Variants in PALM2AKAP2 observed in about 807,000 individuals in gnomAD.
PALM2AKAP2 encodes PALM2-AKAP2 fusion protein.
PALM2AKAP2 carries 37 observed loss-of-function variants against 71.5 expected under a neutral mutation model. The ratio of observed to expected loss-of-function variants is 0.52; its 90% CI spans 0.40 to 0.68. The LOEUF (loss-of-function observed/expected upper bound fraction) is 0.68, where lower values mean the gene tolerates loss of function less well. Ranked by LOEUF, PALM2AKAP2 falls within the 30% of genes least tolerant of loss-of-function variation. The pLI, the probability that PALM2AKAP2 is intolerant of heterozygous loss-of-function variation, is 0.00. For synonymous variants in PALM2AKAP2, 468 were observed against 478.8 expected (o/e 0.98, Z 0.29); for missense variants, 1,224 against 1,191.8 (o/e 1.03, Z -0.40).
intron 1 of PALM2AKAP2, among the ~76,000 whole-genome samples, chr9:109,844,431 GA>G (rs922979851): frequency 2.0e-4 from 31 of 151,814 alleles, no homozygotes; most frequent in Middle Eastern, 3.4e-3. Context: ...ACTTGTGGGG[GA>G]AAAAAAATAG....
At chr9:110,138,150 A>T (rs1835938873) in exon 2 of PALM2AKAP2, 1 of 1,613,922 alleles carries the variant, frequency 6.2e-7, no homozygotes, top group Non-Finnish European at 8.5e-7. Flanking sequence ...GAGAAAAGGG[A>T]TGTATTACCA....
chr9:109,769,559 C>G (rs2118761650), intron 1 of PALM2AKAP2, among the ~76,000 whole-genome samples: 1 of 152,288 alleles, frequency 6.6e-6, no homozygotes. Flanking sequence ...AGCTCAGATT[C>G]TGGCTAGAAC....
At chr9:109,990,589 T>G (rs776163932) in intron 6 of PALM2AKAP2, among the ~76,000 whole-genome samples, 6 of 152,230 alleles carry the variant, frequency 3.9e-5, no homozygotes, top group Non-Finnish European at 8.8e-5. Flanking sequence ...TTCTTAGTCC[T>G]TGCTTCAAGA....
intron 7 of PALM2AKAP2, among the ~76,000 whole-genome samples, chr9:110,042,987 C>G (rs1833534237): frequency 6.6e-6 from 1 of 152,114 alleles, no homozygotes; most frequent in Non-Finnish European, 1.5e-5. Flanking sequence ...CTAGCAAATA[C>G]TAGGTCTTAT....
At chr9:110,065,639 C>G (rs1208592370) in intron 1 of PALM2AKAP2, among the ~76,000 whole-genome samples, 1 of 152,244 alleles carries the variant, frequency 6.6e-6, no homozygotes, top group East Asian at 1.9e-4. Context: ...ACCGTCCCCA[C>G]CATCCATTCA....
chr9:110,034,630 GAC>G lies in PALM2AKAP2; in HGVS notation c.582+18595_582+18596del, dbSNP rs574581054. On this transcript the variant is annotated intron_variant, in intron 7 of 9. Transcript: ENST00000302798. ...TTTTTTTTTTTTTTTTTTTTTTTGA[GAC>G]ACAGTTTCGTTGCCCAGGCTGGAGT... Among the ~76,000 whole-genome samples the G allele has an allele frequency of 5.8e-4, 62 of 106,554 alleles. No homozygotes were observed. In the South Asian group the frequency reaches 0.017, roughly 29 times the overall value. The allele number at this position is 106,554 out of a possible 152,430, so 69.9% of individuals were successfully genotyped here.
chr9:109,952,784 G>A (rs762264969), intron 6 of PALM2AKAP2, among the ~76,000 whole-genome samples: 22 of 152,186 alleles, frequency 1.4e-4, no homozygotes, highest in Non-Finnish European at 2.8e-4. Flanking sequence ...AACCATGATA[G>A]CACATTACAC....
chr9:109,939,629 C>A (rs866065432), intron 6 of PALM2AKAP2, among the ~76,000 whole-genome samples: 2 of 152,160 alleles, frequency 1.3e-5, no homozygotes, highest in South Asian at 2.1e-4. Context: ...ATTCTAATCC[C>A]AAACTGCTTT....
chr9:110,048,550 G>C (rs1833641260), upstream of PALM2AKAP2: 1 of 709,280 alleles, frequency 1.4e-6, no homozygotes, highest in African/African-American at 2.0e-5. Flanking sequence ...GAAGGTGTGG[G>C]TAGATGGGGA....
chr9:109,909,376 A>G (rs1830521274), intron 3 of PALM2AKAP2, among the ~76,000 whole-genome samples: 1 of 152,220 alleles, frequency 6.6e-6, no homozygotes, highest in Admixed American at 6.5e-5. Context: ...TGACTGAAAG[A>G]ACTGAGCCGG....
chr9:110,150,102 A>G (rs1012492057), intron 2 of PALM2AKAP2, among the ~76,000 whole-genome samples: 4 of 152,216 alleles, frequency 2.6e-5, no homozygotes, highest in Non-Finnish European at 5.9e-5. Flanking sequence ...GACAGGATCA[A>G]TGCCCTTGTA....
rs57708385 is a variant in PALM2AKAP2, at chr9:110,034,604, CTTTTTTT to C, written c.582+18582_582+18588del. Among the ~76,000 whole-genome samples, 968 of 118,314 alleles carry C rather than the reference CTTTTTTT, an allele frequency of 8.2e-3. 7 individuals carry two copies. The highest frequency in any genetic ancestry group is 0.013 in the Non-Finnish European group (761 of 58,822). The allele number at this position is 118,314 out of a possible 152,430, so 77.6% of individuals were successfully genotyped here. A position where few individuals can be genotyped will look rare whatever the true frequency, so the allele number is the denominator to read the frequency against. ...AATAACTATCAAGCCATATATTCCC[CTTTTTTT>C]TTTTTTTTTTTTTTTTGAGACACAG... On this transcript the variant is annotated intron_variant, in intron 7 of 9. Coordinates refer to the PALM2AKAP2 transcript ENST00000302798.
At chr9:109,683,319 C>G (rs1232979712) in intron 1 of PALM2AKAP2, among the ~76,000 whole-genome samples, 2 of 152,102 alleles carry the variant, frequency 1.3e-5, no homozygotes, top group Non-Finnish European at 2.9e-5. Flanking sequence ...TGAGATCATT[C>G]TTGATTTAAT....
intron 5 of PALM2AKAP2, among the ~76,000 whole-genome samples, chr9:109,929,175 T>C (rs1346067504): frequency 1.3e-5 from 2 of 148,512 alleles, no homozygotes; most frequent in African/African-American, 4.9e-5. Flanking sequence ...AGTAGTTTTT[T>C]TTTTTTTGTT....
chr9:109,899,520 T>C (rs1005448267), intron 3 of PALM2AKAP2, among the ~76,000 whole-genome samples: 6 of 152,196 alleles, frequency 3.9e-5, no homozygotes, highest in Admixed American at 6.5e-5. Flanking sequence ...TCTTTCAAAG[T>C]TCATATTTGA....
intron 1 of PALM2AKAP2, among the ~76,000 whole-genome samples, chr9:109,710,699 C>T (rs1266887457): frequency 6.6e-6 from 1 of 152,104 alleles, no homozygotes; most frequent in Non-Finnish European, 1.5e-5. Flanking sequence ...TATTTATTTC[C>T]TGTCCCCTCC....
At chr9:109,862,812 T>C (rs1004859146) in intron 1 of PALM2AKAP2, 7 of 464,782 alleles carry the variant, frequency 1.5e-5, no homozygotes, top group African/African-American at 1.4e-4. Flanking sequence ...TGAATTGTTT[T>C]TTGTCAAATG....
chr9:109,779,217 AT>A (rs138234867), upstream of PALM2AKAP2, among the ~76,000 whole-genome samples: 3,716 of 150,902 alleles, frequency 0.025, 159 homozygotes, highest in African/African-American at 0.086. Context: ...GTGAAGAGGC[AT>A]TTTTTTTTGC....
intron 3 of PALM2AKAP2, among the ~76,000 whole-genome samples, chr9:109,903,555 T>A (rs1554724959): frequency 6.6e-6 from 1 of 152,212 alleles, no homozygotes; most frequent in Non-Finnish European, 1.5e-5. Flanking sequence ...GCAAGTGCAC[T>A]GTTCCTTTGA....
Sources: allele counts gnomAD v4.1 joint callset (sites outside exome capture counted in the v4.1 genomes callset), GRCh38; gene constraint gnomAD v4.1.1; transcripts MANE v1.5; gene names NCBI Gene and HGNC (gene_info 2026-07-23, HGNC 2026-07-21).